Variants in CDIN1 observed in about 807,000 individuals in gnomAD.
CDIN1 encodes CDAN1-interacting nuclease 1.
In CDIN1, 33 loss-of-function variants were observed where a neutral mutation model predicts 45.3. The observed-to-expected ratio is 0.73, with a 90% CI of 0.55 to 0.97. The LOEUF (loss-of-function observed/expected upper bound fraction) is 0.97. CDIN1 is among the 50% of genes least tolerant of loss of function. The probability of loss-of-function intolerance (pLI) is 0.00; values close to 1 mark genes in which losing one functional copy is unlikely to be tolerated. For missense variants in CDIN1, 303 were observed against 339.4 expected (o/e 0.89, Z 0.84); for synonymous variants, 118 against 124.4 (o/e 0.95, Z 0.34).
chr15:36,653,720 C>T (rs776775737), intron 3 of CDIN1, among the ~76,000 whole-genome samples: 1 of 152,194 alleles, frequency 6.6e-6, no homozygotes, highest in Non-Finnish European at 1.5e-5. Flanking sequence ...AAGATGGGTG[C>T]ATGAATGCTT....
intron 5 of CDIN1, among the ~76,000 whole-genome samples, chr15:36,686,123 T>C (rs2140662333): frequency 6.6e-6 from 1 of 152,196 alleles, no homozygotes; most frequent in South Asian, 2.1e-4. Flanking sequence ...ATGTTTATTG[T>C]GGCACTATTC....
At chr15:36,617,278 A>G (rs2038940446) in intron 1 of CDIN1, 7 of 1,044,838 alleles carry the variant, frequency 6.7e-6, no homozygotes, top group Admixed American at 1.7e-5. Flanking sequence ...CTCAGAAGAT[A>G]TATGTAAAGA....
intron 10 of CDIN1, among the ~76,000 whole-genome samples, chr15:36,787,251 T>G (rs2054515469): frequency 6.6e-6 from 1 of 152,208 alleles, no homozygotes; most frequent in East Asian, 1.9e-4. Flanking sequence ...TACCCATACA[T>G]GCTTCTCCAT....
chr15:36,736,803 A>G (rs2044038741), intron 10 of CDIN1, among the ~76,000 whole-genome samples: 1 of 152,098 alleles, frequency 6.6e-6, no homozygotes, highest in Non-Finnish European at 1.5e-5. Flanking sequence ...ATATCCCAAG[A>G]TGTTACTCCA....
intron 10 of CDIN1, among the ~76,000 whole-genome samples, chr15:36,775,895 C>T (rs1422837068): frequency 5.3e-5 from 8 of 152,148 alleles, no homozygotes; most frequent in South Asian, 4.1e-4. Flanking sequence ...TATGTATGTA[C>T]GTATGTATGT....
chr15:36,742,087 A>G (rs912984808), intron 10 of CDIN1, among the ~76,000 whole-genome samples: 3 of 152,152 alleles, frequency 2.0e-5, no homozygotes, highest in African/African-American at 7.2e-5. Context: ...GAAACCAATT[A>G]TCCAAATAAA....
At chr15:36,627,798 G>T in intron 1 of CDIN1, 1 of 152,472 alleles carries the variant, frequency 6.6e-6, no homozygotes, top group South Asian at 2.1e-4. Flanking sequence ...GGCCCAACCT[G>T]GGGACTCACT....
chr15:36,774,159 T>TGCGCGC lies in CDIN1; in HGVS notation c.717-34164_717-34163insCGCGCG, dbSNP rs755245228. On this transcript the variant is annotated intron_variant, in intron 10 of 10. Coordinates refer to ENST00000566621, the MANE Select transcript of CDIN1 (RefSeq NM_001321759.2). ...GTGTGTGTGTGTGTGTGTGTGTGTG[T>TGCGCGC]GTGTGCGCGCGCGCGCATGCATGAG... is the stretch of plus-strand genomic sequence containing the variant. Among the ~76,000 whole-genome samples the TGCGCGC allele has an allele frequency of 9.5e-5, 4 of 42,312 alleles. No homozygotes were observed. In the South Asian group the frequency reaches 3.4e-3, roughly 35 times the overall value. 27.8% of individuals were successfully genotyped at this position (42,312 alleles called of 152,430 possible).
At chr15:36,596,435 A>G (rs1002850540) in intron 1 of CDIN1, among the ~76,000 whole-genome samples, 3 of 152,186 alleles carry the variant, frequency 2.0e-5, no homozygotes, top group African/African-American at 7.2e-5. Context: ...TTTTGCATGA[A>G]GATATAAAGT....
At chr15:36,798,401 G>A (rs1012550748) in intron 10 of CDIN1, among the ~76,000 whole-genome samples, 1 of 151,982 alleles carries the variant, frequency 6.6e-6, no homozygotes, top group South Asian at 2.1e-4. Flanking sequence ...TTGCTTTTGG[G>A]GACTAGGTTG....
At chr15:36,648,427 A>T (rs367884190) in intron 3 of CDIN1, among the ~76,000 whole-genome samples, 180 of 91,010 alleles carry the variant, frequency 2.0e-3, no homozygotes, top group Middle Eastern at 0.026. Flanking sequence ...CCAATATTCT[A>T]TTTTTTTTTT....
intron 10 of CDIN1, among the ~76,000 whole-genome samples, chr15:36,768,958 A>G (rs764544883): frequency 4.6e-5 from 7 of 152,134 alleles, no homozygotes; most frequent in Admixed American, 1.3e-4. Flanking sequence ...GCTATCATGA[A>G]ATGTAGAGAG....
intron 10 of CDIN1, among the ~76,000 whole-genome samples, chr15:36,788,731 T>C (rs533189385): frequency 8.5e-5 from 13 of 152,306 alleles, no homozygotes; most frequent in African/African-American, 2.9e-4. Context: ...TATCATTTTT[T>C]TTATTTCTGT....
chr15:36,687,087 G>C (rs1260930748), intron 5 of CDIN1, among the ~76,000 whole-genome samples: 1 of 151,970 alleles, frequency 6.6e-6, no homozygotes, highest in Non-Finnish European at 1.5e-5. Flanking sequence ...TTATATCCAA[G>C]GGAATAAAGG....
chr15:36,610,589 G>A (rs757876822), intron 1 of CDIN1, among the ~76,000 whole-genome samples: 2 of 152,116 alleles, frequency 1.3e-5, no homozygotes, highest in Non-Finnish European at 2.9e-5. Flanking sequence ...GTGTATGTGG[G>A]TGTGTATTTT....
intron 5 of CDIN1, among the ~76,000 whole-genome samples, chr15:36,671,885 A>G (rs762315335): frequency 3.3e-4 from 50 of 152,142 alleles, no homozygotes; most frequent in Non-Finnish European, 4.3e-4. Context: ...ACAATGTGGA[A>G]TCACCTTTGG....
At chr15:36,788,106 A>ATATATTTTTTTTTTTTTTT (rs1343541345) in intron 10 of CDIN1, among the ~76,000 whole-genome samples, 1 of 50,554 alleles carries the variant, frequency 2.0e-5, no homozygotes, top group African/African-American at 7.7e-5. Context: ...ATATATATAT[A>ATATATTTTTTTTTTTTTTT]TTTTTTTTTT....
Position 36,726,818 on chromosome 15 carries a change from A to G in CDIN1, c.716+16857A>G, listed in dbSNP as rs184792456. The stretch of plus-strand genomic sequence containing the variant: ...AGTATAAACTGTAGTAGAGCCCAGT[A>G]TAAGGCATTTTTTTTTCTATATATG... On this transcript the variant is annotated intron_variant, in intron 10 of 10. Coordinates refer to ENST00000566621, the MANE Select transcript of CDIN1 (RefSeq NM_001321759.2). Among the ~76,000 whole-genome samples the G allele has an allele frequency of 5.3e-5, 8 of 151,644 alleles. No individual in the cohort carries two copies. The East Asian group carries it at 1.5e-3, about 29-fold the overall frequency.
intron 10 of CDIN1, among the ~76,000 whole-genome samples, chr15:36,764,502 A>G (rs1262036527): frequency 2.6e-5 from 4 of 151,282 alleles, no homozygotes; most frequent in Non-Finnish European, 5.9e-5. Flanking sequence ...GGTTGTATGG[A>G]AAAAAGAATG....
Sources: allele counts gnomAD v4.1 joint callset (sites outside exome capture counted in the v4.1 genomes callset), GRCh38; gene constraint gnomAD v4.1.1; transcripts MANE v1.5; gene names NCBI Gene and HGNC (gene_info 2026-07-23, HGNC 2026-07-21).